The following NEGR1 variants were observed in gnomAD, a reference collection of about 807,000 sequenced individuals.
The protein encoded by NEGR1 is IgLON family member 4.
In NEGR1, 10 loss-of-function variants were observed where a neutral mutation model predicts 40.9. That is an observed-to-expected ratio of 0.24 (90% CI 0.15 to 0.42). The LOEUF is 0.42. NEGR1 is among the 10% of genes least tolerant of loss of function. The pLI is 1.00. For missense variants in NEGR1, 352 were observed against 438.9 expected (o/e 0.80, Z 1.77); for synonymous variants, 185 against 166.8 (o/e 1.11, Z -0.84).
intron 1 of NEGR1, among the ~76,000 whole-genome samples, chr1:71,993,096 C>A (rs1420757409): frequency 6.6e-6 from 1 of 152,154 alleles, no homozygotes; most frequent in Non-Finnish European, 1.5e-5. Flanking sequence ...TTCTATGAGG[C>A]AAATTGCTCA....
At position 72,128,734 on chromosome 1, in the gene NEGR1, C is replaced by A. The variant is rs573694443; in HGVS notation, c.176+153585G>T. The stretch of plus-strand genomic sequence containing the variant: ...CAAGGGGTGCCCAAATATTTGGGTG[C>A]CCAATATTTGGTTAACATTGCCCAA... On this transcript the variant is annotated intron_variant, in intron 1 of 6. Transcript: ENST00000357731. Among the ~76,000 whole-genome samples the A allele has an allele frequency of 1.5e-3, 223 of 152,090 alleles. 1 individual carries two copies. The highest frequency in any genetic ancestry group is 5.2e-3 in the African/African-American group (215 of 41,492).
intron 1 of NEGR1, among the ~76,000 whole-genome samples, chr1:72,060,251 C>T (rs914259547): frequency 5.3e-5 from 8 of 151,558 alleles, no homozygotes; most frequent in African/African-American, 1.9e-4. Flanking sequence ...TGCTGAGATA[C>T]ACTGAGATCT....
chr1:72,275,127 T>G, intron 1 of NEGR1: 2 of 777,966 alleles, frequency 2.6e-6, no homozygotes, highest in Non-Finnish European at 4.7e-6. Context: ...AGATCTTTAT[T>G]TCCCGCACGT....
chr1:72,192,399 T>C (rs1652850289), intron 1 of NEGR1, among the ~76,000 whole-genome samples: 1 of 151,816 alleles, frequency 6.6e-6, no homozygotes, highest in Non-Finnish European at 1.5e-5. Flanking sequence ...AAGAGCAGTT[T>C]TGGCAGATAG....
At chr1:71,783,494 T>C (rs1390202930) in intron 2 of NEGR1, among the ~76,000 whole-genome samples, 1 of 152,172 alleles carries the variant, frequency 6.6e-6, no homozygotes, top group African/African-American at 2.4e-5. Flanking sequence ...TCACAGTTTA[T>C]GGCATTTCAG....
At chr1:71,860,381 C>G (rs1557680035) in intron 2 of NEGR1, among the ~76,000 whole-genome samples, 1 of 151,948 alleles carries the variant, frequency 6.6e-6, no homozygotes, top group Non-Finnish European at 1.5e-5. Flanking sequence ...TTTCAGCAAT[C>G]TATTCACAAT....
intron 2 of NEGR1, among the ~76,000 whole-genome samples, chr1:71,814,709 A>C (rs1248159330): frequency 6.6e-6 from 1 of 152,072 alleles, no homozygotes; most frequent in Non-Finnish European, 1.5e-5. Flanking sequence ...AGAAGTGTTC[A>C]TAGTATTATC....
intron 1 of NEGR1, among the ~76,000 whole-genome samples, chr1:72,075,768 T>C (rs966974456): frequency 1.1e-4 from 16 of 152,220 alleles, no homozygotes; most frequent in African/African-American, 3.9e-4. Context: ...ATGTTGAATA[T>C]AGAATTTCTC....
At chr1:71,796,088 A>G (rs991488851) in intron 2 of NEGR1, among the ~76,000 whole-genome samples, 3 of 152,142 alleles carry the variant, frequency 2.0e-5, no homozygotes, top group African/African-American at 7.2e-5. Context: ...GGATATTAAC[A>G]TAGTTCTATA....
At chr1:71,905,746 A>G (rs1661257705) in intron 2 of NEGR1, among the ~76,000 whole-genome samples, 1 of 152,062 alleles carries the variant, frequency 6.6e-6, no homozygotes, top group African/African-American at 2.4e-5. Flanking sequence ...CTGCTTTCCA[A>G]AGAAATGAAG....
intron 5 of NEGR1, among the ~76,000 whole-genome samples, chr1:71,593,300 G>A (rs889177698): frequency 2.6e-5 from 4 of 152,144 alleles, no homozygotes; most frequent in African/African-American, 9.7e-5. Context: ...AAGTCAGGAA[G>A]GAGTTTAAGG....
intron 6 of NEGR1, among the ~76,000 whole-genome samples, chr1:71,416,528 G>A (rs1282812500): frequency 1.3e-5 from 2 of 152,096 alleles, no homozygotes; most frequent in East Asian, 3.9e-4. Flanking sequence ...ATCTGGCCTT[G>A]TAGTTCTGAT....
At chr1:72,040,541 G>A (rs1387597782) in intron 1 of NEGR1, among the ~76,000 whole-genome samples, 2 of 117,364 alleles carry the variant, frequency 1.7e-5, no homozygotes, top group East Asian at 2.8e-4. Flanking sequence ...GCTAACCCTC[G>A]GCAGTTAAAT....
At chr1:71,459,564 C>A (rs1423950802) in intron 6 of NEGR1, among the ~76,000 whole-genome samples, 6 of 152,018 alleles carry the variant, frequency 3.9e-5, no homozygotes, top group South Asian at 2.1e-4. Flanking sequence ...TCCTTTGTAC[C>A]CATTTAAGCT....
At chr1:72,114,444 T>G (rs1312760638) in intron 1 of NEGR1, among the ~76,000 whole-genome samples, 1 of 151,688 alleles carries the variant, frequency 6.6e-6, no homozygotes, top group Non-Finnish European at 1.5e-5. Flanking sequence ...GTTATCTCTC[T>G]CATTTGATAG....
At chr1:71,786,994 C>G (rs544874433) in intron 2 of NEGR1, among the ~76,000 whole-genome samples, 53 of 152,144 alleles carry the variant, frequency 3.5e-4, no homozygotes, top group Non-Finnish European at 7.2e-4. Context: ...GCACCACATG[C>G]GGTCGCCACA....
intron 6 of NEGR1, among the ~76,000 whole-genome samples, chr1:71,545,781 C>T (rs1443640917): frequency 6.6e-6 from 1 of 151,544 alleles, no homozygotes; most frequent in Non-Finnish European, 1.5e-5. Context: ...AGAGAAGTAG[C>T]CCATTGAAGC....
chr1:72,050,205 TA>T (rs1283895706), intron 1 of NEGR1, among the ~76,000 whole-genome samples: 8 of 151,770 alleles, frequency 5.3e-5, no homozygotes, highest in Admixed American at 1.3e-4. Context: ...TGATTAATGT[TA>T]AAAATATGTT....
intron 6 of NEGR1, among the ~76,000 whole-genome samples, chr1:71,439,458 G>T (rs1646532382): frequency 6.6e-6 from 1 of 152,134 alleles, no homozygotes; most frequent in South Asian, 2.1e-4. Context: ...TGCCTTCTGG[G>T]ATCAAGCAGT....
Sources: gnomAD v4.1 joint callset for allele counts (sites outside exome capture counted in the v4.1 genomes callset) on GRCh38, gnomAD v4.1.1 for gene constraint, MANE v1.5 for transcripts, NCBI Gene and HGNC (gene_info 2026-07-23, HGNC 2026-07-21) for gene names.